MEOX2: variants seen among roughly 807,000 people sequenced by gnomAD.
The protein encoded by MEOX2 is homeobox protein MOX-2.
Under a neutral mutation model 27.0 loss-of-function variants are expected in MEOX2, and 11 were observed. The ratio of observed to expected loss-of-function variants is 0.41; its 90% CI spans 0.26 to 0.68. The LOEUF (loss-of-function observed/expected upper bound fraction) is 0.68, where lower values mean the gene tolerates loss of function less well. Ranked by LOEUF, MEOX2 falls within the 30% of genes least tolerant of loss-of-function variation. The probability of loss-of-function intolerance (pLI) is 0.33; values close to 1 mark genes in which losing one functional copy is unlikely to be tolerated. For synonymous variants in MEOX2, 189 were observed against 155.4 expected, an observed-to-expected ratio of 1.22 and a Z score of -1.61; for missense variants, 436 against 385.4, an observed-to-expected ratio of 1.13 and a Z score of -1.10.
intron 1 of MEOX2, among the ~76,000 whole-genome samples, chr7:15,669,774 G>C (rs535523439): frequency 6.6e-6 from 1 of 152,308 alleles, no homozygotes; most frequent in South Asian, 2.1e-4. Flanking sequence ...TCCTCTAGTA[G>C]CTTCTGTTTC....
chr7:15,629,437 C>G (rs555450841), intron 1 of MEOX2, among the ~76,000 whole-genome samples: 1 of 152,148 alleles, frequency 6.6e-6, no homozygotes, highest in South Asian at 2.1e-4. Context: ...TGCTTGAATA[C>G]CAAACCAAAA....
intron 1 of MEOX2, among the ~76,000 whole-genome samples, chr7:15,669,998 G>A (rs754499947): frequency 5.3e-5 from 8 of 152,132 alleles, no homozygotes; most frequent in Non-Finnish European, 1.0e-4. Flanking sequence ...TCCTCAAGAG[G>A]CCTGGAAGAA....
chr7:15,620,531 C>A (rs774773422), intron 2 of MEOX2, among the ~76,000 whole-genome samples: 15 of 152,000 alleles, frequency 9.9e-5, no homozygotes, highest in Admixed American at 2.6e-4. Context: ...CGAGATCAAG[C>A]CACTGCACTC....
intron 1 of MEOX2, among the ~76,000 whole-genome samples, chr7:15,654,045 T>A (rs1278055456): frequency 9.2e-5 from 14 of 151,922 alleles, no homozygotes. Context: ...ATAAACACAA[T>A]ATGTCTCTCC....
At chr7:15,662,266 T>C (rs1264156363) in intron 1 of MEOX2, among the ~76,000 whole-genome samples, 1 of 152,052 alleles carries the variant, frequency 6.6e-6, no homozygotes, top group Non-Finnish European at 1.5e-5. Context: ...GAATGTAATA[T>C]TAATGTCATA....
rs1782381598 is a variant in MEOX2, at chr7:15,686,211, A to T, written c.192T>A (p.His64Gln). 7 of 1,609,784 alleles carry T rather than the reference A, an allele frequency of 4.3e-6. No individual in the cohort carries two copies. Among genetic ancestry groups the T allele is most frequent in the Non-Finnish European group, 5.9e-6 (7 of 1,177,932 alleles). Reference protein sequence around the residue: ...PNEEGMFASQHHRGHHHHHHH... With the variant: ...PNEEGMFASQQHRGHHHHHHH... ...GGTGGTGGTGGTGGTGCCCCCTGTG[A>T]TGCTGGCTGGCAAACATGCCCTCTT... Residue 64 changes from histidine to glutamine, a missense_variant, in exon 1 of 3, where the codon CAT (histidine) becomes CAA (glutamine). By Grantham distance (24) the His-to-Gln change is conservative. Coordinates refer to ENST00000262041, the MANE Select transcript of MEOX2 (RefSeq NM_005924.5).
chr7:15,686,129 A>G lies in MEOX2; in HGVS notation c.274T>C (p.Trp92Arg). 6.3e-7 allele frequency: 1 copy of G among 1,579,046 alleles called. No homozygotes were observed. Among genetic ancestry groups the G allele is most frequent in the Non-Finnish European group, 8.6e-7 (1 of 1,163,122 alleles). ...QQQHQALQTNWHLPQMSSPPS... is the reference protein window; with the variant it reads ...QQQHQALQTNRHLPQMSSPPS... The stretch of plus-strand genomic sequence containing the variant: ...GGGGAAGACATCTGCGGGAGGTGCC[A>G]GTTGGTTTGCAGAGCCTGGTGCTGC... Residue 92 changes from tryptophan to arginine, a missense_variant, in exon 1 of 3, where the codon TGG becomes CGG. Transcript: ENST00000262041.
chr7:15,657,358 A>G (rs1041197570), intron 1 of MEOX2, among the ~76,000 whole-genome samples: 8 of 152,104 alleles, frequency 5.3e-5, no homozygotes, highest in African/African-American at 1.4e-4. Flanking sequence ...AGTCTCACAG[A>G]TCCATATGGT....
At chr7:15,625,271 G>A (rs751649894) in intron 2 of MEOX2, among the ~76,000 whole-genome samples, 16 of 152,004 alleles carry the variant, frequency 1.1e-4, no homozygotes, top group Admixed American at 6.6e-5. Context: ...ATAAAATAGA[G>A]GTCTGATGAT....
chr7:15,612,354 T>A lies in MEOX2; in HGVS notation c.*33A>T, dbSNP rs1781045753. ...GTAAGGCTTGCCATCACAACATTTC[T>A]TTCCTGAGAATGGAGCTGGTCCTCT... is the stretch of plus-strand genomic sequence containing the variant. On this transcript the variant is annotated 3_prime_UTR_variant, in exon 3 of 3. Transcript: ENST00000262041. The A allele has an allele frequency of 6.4e-7, 1 of 1,567,990 alleles. No individual in the cohort carries two copies. Among genetic ancestry groups the A allele is most frequent in the African/African-American group, 1.4e-5 (1 of 73,852 alleles).
At chr7:15,621,860 C>T (rs1174483253) in intron 2 of MEOX2, among the ~76,000 whole-genome samples, 4 of 152,208 alleles carry the variant, frequency 2.6e-5, no homozygotes, top group East Asian at 1.9e-4. Flanking sequence ...GGCTCAAGCC[C>T]GTAATCTCAG....
At chr7:15,658,081 G>A (rs750983245) in intron 1 of MEOX2, among the ~76,000 whole-genome samples, 7 of 152,234 alleles carry the variant, frequency 4.6e-5, no homozygotes, top group Non-Finnish European at 1.0e-4. Context: ...CTAATACCAC[G>A]GAGTGGGTAG....
chr7:15,639,300 C>T (rs991825353), intron 1 of MEOX2, among the ~76,000 whole-genome samples: 2 of 151,866 alleles, frequency 1.3e-5, no homozygotes, highest in African/African-American at 2.4e-5. Context: ...GTGTTCATGT[C>T]CTTTTTCTAC....
chr7:15,681,105 T>C (rs1035827895), intron 1 of MEOX2: 1 of 151,820 alleles, frequency 6.6e-6, no homozygotes, highest in African/African-American at 2.4e-5. Context: ...TTTAAGAAAT[T>C]CCTACCTGTA....
In MEOX2 at chr7:15,686,592, A is replaced by T. The variant is rs1215571254; in HGVS notation, c.-190T>A. The T allele has an allele frequency of 8.2e-6, 5 of 607,132 alleles. No homozygotes were observed. The Admixed American group carries it at 1.2e-4, about 15-fold the overall frequency. The allele number at this position is 607,132 out of a possible 1,614,324, so 37.6% of individuals were successfully genotyped here. A position where few individuals can be genotyped will look rare whatever the true frequency, so the allele number is the denominator to read the frequency against. On this transcript the variant is annotated 5_prime_UTR_variant, in exon 1 of 3. Coordinates refer to ENST00000262041, the MANE Select transcript of MEOX2 (RefSeq NM_005924.5). ...CGGCCAGTCTCCTTTACATATGAAC[A>T]GTCGGACCTGGAAGAGCTTCCCTGA...
At chr7:15,667,525 G>A (rs537369172) in intron 1 of MEOX2, among the ~76,000 whole-genome samples, 9 of 152,010 alleles carry the variant, frequency 5.9e-5, no homozygotes, top group Non-Finnish European at 1.0e-4. Context: ...TACCCAAAGC[G>A]TAGGGCCAAG....
At chr7:15,674,272 G>T (rs1408330454) in intron 1 of MEOX2, among the ~76,000 whole-genome samples, 1 of 152,132 alleles carries the variant, frequency 6.6e-6, no homozygotes, top group Admixed American at 6.6e-5. Context: ...TTATTCTGCA[G>T]CATTTAATTA....
chr7:15,662,284 T>A (rs1301751074), intron 1 of MEOX2, among the ~76,000 whole-genome samples: 1 of 151,856 alleles, frequency 6.6e-6, no homozygotes, highest in Non-Finnish European at 1.5e-5. Context: ...ATACATAATA[T>A]ATTTTCTTTA....
At chr7:15,625,942 T>G (rs1188075716) in intron 2 of MEOX2, among the ~76,000 whole-genome samples, 5 of 152,150 alleles carry the variant, frequency 3.3e-5, no homozygotes, top group Non-Finnish European at 7.3e-5. Context: ...ATTCTCTGAG[T>G]GGGTAGCAGA....
Sources: allele counts gnomAD v4.1 joint callset (sites outside exome capture counted in the v4.1 genomes callset), GRCh38; gene constraint gnomAD v4.1.1; transcripts MANE v1.5; gene names NCBI Gene and HGNC (gene_info 2026-07-23, HGNC 2026-07-21).